Variants in STXBP5L observed in about 807,000 individuals in gnomAD.
The protein encoded by STXBP5L is syntaxin-binding protein 5-like.
STXBP5L carries 65 observed loss-of-function variants against 144.5 expected under a neutral mutation model. The ratio of observed to expected loss-of-function variants is 0.45; its 90% CI spans 0.37 to 0.55. The LOEUF (loss-of-function observed/expected upper bound fraction) is 0.55. Ranked by LOEUF, STXBP5L falls within the 20% of genes least tolerant of loss-of-function variation. The probability of loss-of-function intolerance (pLI) is 0.00; values close to 1 mark genes in which losing one functional copy is unlikely to be tolerated. For missense variants in STXBP5L, 1,298 were observed against 1,405.5 expected, an observed-to-expected ratio of 0.92 and a Z score of 1.22; for synonymous variants, 505 against 469.6, an observed-to-expected ratio of 1.08 and a Z score of -0.97.
At chr3:121,347,642 C>A (rs142485750) in intron 20 of STXBP5L, among the ~76,000 whole-genome samples, 1 of 151,982 alleles carries the variant, frequency 6.6e-6, no homozygotes, top group Admixed American at 6.6e-5. Context: ...CTTGAGCAGT[C>A]ATTTGTAGTT....
intron 3 of STXBP5L, among the ~76,000 whole-genome samples, chr3:121,004,582 A>G (rs928878054): frequency 5.3e-5 from 8 of 151,912 alleles, no homozygotes; most frequent in African/African-American, 1.9e-4. Flanking sequence ...AACTTCCAAC[A>G]CTATGTTGAA....
At chr3:121,057,845 C>A (rs907651852) in intron 5 of STXBP5L, among the ~76,000 whole-genome samples, 2 of 151,600 alleles carry the variant, frequency 1.3e-5, no homozygotes, top group Middle Eastern at 3.4e-3. Context: ...TCTCTTTTTT[C>A]TATCTCTCAT....
intron 9 of STXBP5L, among the ~76,000 whole-genome samples, chr3:121,167,730 G>T (rs1393844715): frequency 6.6e-6 from 1 of 152,200 alleles, no homozygotes; most frequent in African/African-American, 2.4e-5. Context: ...GAGCACCTGG[G>T]GGAAGGGGTG....
chr3:121,398,270 C>T (rs950218283), intron 22 of STXBP5L, among the ~76,000 whole-genome samples: 5 of 152,166 alleles, frequency 3.3e-5, no homozygotes, highest in Non-Finnish European at 5.9e-5. Context: ...CTATTGTCCC[C>T]GCTGGCAAGG....
chr3:121,098,619 G>A (rs1422509242), intron 5 of STXBP5L, among the ~76,000 whole-genome samples: 2 of 152,184 alleles, frequency 1.3e-5, no homozygotes, highest in Admixed American at 1.3e-4. Flanking sequence ...ACCGTATTAT[G>A]AGGCCAGAGA....
chr3:121,302,616 G>C (rs543343769), intron 19 of STXBP5L, among the ~76,000 whole-genome samples: 1 of 151,958 alleles, frequency 6.6e-6, no homozygotes, highest in African/African-American at 2.4e-5. Context: ...TGCTTCTCTT[G>C]TTCTTTTAAT....
intron 9 of STXBP5L, among the ~76,000 whole-genome samples, chr3:121,197,689 G>A (rs913402453): frequency 5.3e-5 from 8 of 151,956 alleles, no homozygotes; most frequent in African/African-American, 1.7e-4. Context: ...AGTATTTGAT[G>A]TTCCCCTCCC....
chr3:121,317,573 G>C lies in STXBP5L; in HGVS notation c.2111-902G>C, dbSNP rs190937016. On this transcript the variant is annotated intron_variant, in intron 19 of 26. Transcript: ENST00000471454. ...TTGAAAATAGCTCTCAAATGTTTCTGAGCATGGAGACAGATTAAAATAGAA... is the reference window on the plus strand; with the variant it reads ...TTGAAAATAGCTCTCAAATGTTTCTCAGCATGGAGACAGATTAAAATAGAA... 7.2e-5 allele frequency among the ~76,000 whole-genome samples: 11 copies of C among 152,262 alleles called. No homozygotes were observed. In the East Asian group the frequency reaches 1.7e-3, roughly 24 times the overall value.
chr3:121,283,657 G>C (rs151094192), intron 19 of STXBP5L, among the ~76,000 whole-genome samples: 1 of 151,932 alleles, frequency 6.6e-6, no homozygotes, highest in South Asian at 2.1e-4. Context: ...GAGTTGAGTA[G>C]CTGCAACAGA....
chr3:121,382,891 TTTTC>T (rs1321585700), intron 22 of STXBP5L, among the ~76,000 whole-genome samples: 7 of 152,226 alleles, frequency 4.6e-5, no homozygotes, highest in African/African-American at 1.2e-4. Context: ...TTTGAAAACT[TTTTC>T]TTTATCTATT....
intron 20 of STXBP5L, among the ~76,000 whole-genome samples, chr3:121,335,220 G>A (rs1050699159): frequency 6.6e-6 from 1 of 151,882 alleles, no homozygotes; most frequent in Non-Finnish European, 1.5e-5. Flanking sequence ...GCCACAAAAA[G>A]AATAAAATAC....
chr3:121,424,560 C>G lies in STXBP5L; in HGVS notation c.*5463C>G, dbSNP rs1195524832. The G allele has an allele frequency of 6.6e-6, 1 of 152,138 alleles. No individual in the cohort carries two copies. Among genetic ancestry groups the G allele is most frequent in the Non-Finnish European group, 1.5e-5 (1 of 68,032 alleles). The allele number at this position is 152,138 out of a possible 1,614,324, so 9.4% of individuals were successfully genotyped here. On this transcript the variant is annotated 3_prime_UTR_variant, in exon 27 of 27. Coordinates refer to ENST00000471454, the MANE Select transcript of STXBP5L (RefSeq NM_001308330.2). ...CTCTAATAACCTATAATTTTTAGTA[C>G]TTAATTATGTGATGTTTTATTCTAG...
chr3:120,953,561 C>A (rs1213874910), intron 2 of STXBP5L, among the ~76,000 whole-genome samples: 1 of 144,732 alleles, frequency 6.9e-6, no homozygotes, highest in Non-Finnish European at 1.5e-5. Context: ...TGGTTTTGAA[C>A]TCCTGAACTC....
intron 13 of STXBP5L, 94 bp downstream of exon 13, chr3:121,239,212 G>A: frequency 3.1e-6 from 2 of 652,490 alleles, no homozygotes; most frequent in Admixed American, 3.9e-5. Flanking sequence ...CCATATAGGA[G>A]GACTTAACTA....
intron 3 of STXBP5L, among the ~76,000 whole-genome samples, chr3:121,028,244 T>C (rs1280070268): frequency 6.6e-6 from 1 of 152,092 alleles, no homozygotes; most frequent in Non-Finnish European, 1.5e-5. Context: ...TGCTGTGTAA[T>C]ACATAGATTA....
intron 9 of STXBP5L, among the ~76,000 whole-genome samples, chr3:121,173,543 A>C (rs937488626): frequency 3.3e-5 from 5 of 151,970 alleles, no homozygotes; most frequent in African/African-American, 1.2e-4. Context: ...ATAAGTTTTG[A>C]CTCTCCAAAA....
intron 22 of STXBP5L, among the ~76,000 whole-genome samples, chr3:121,402,758 G>A (rs763890204): frequency 1.3e-5 from 2 of 152,022 alleles, no homozygotes; most frequent in Non-Finnish European, 2.9e-5. Context: ...CCTAGTCCTT[G>A]CCCCTGCACT....
intron 10 of STXBP5L, among the ~76,000 whole-genome samples, chr3:121,210,088 A>C (rs888863602): frequency 5.3e-5 from 8 of 152,234 alleles, no homozygotes; most frequent in Non-Finnish European, 1.0e-4. Flanking sequence ...CATCCTCTCC[A>C]GCACCTGTTG....
intron 3 of STXBP5L, among the ~76,000 whole-genome samples, chr3:120,997,765 A>G (rs188492638): frequency 6.6e-6 from 1 of 152,234 alleles, no homozygotes; most frequent in East Asian, 1.9e-4. Context: ...TGCTGTGTAG[A>G]GAGGCAATGA....
Sources: allele counts gnomAD v4.1 joint callset (sites outside exome capture counted in the v4.1 genomes callset), GRCh38; gene constraint gnomAD v4.1.1; transcripts MANE v1.5; gene names NCBI Gene and HGNC (gene_info 2026-07-23, HGNC 2026-07-21).